Variants in STPG1 observed in about 807,000 individuals in gnomAD.
The protein encoded by STPG1 is O(6)-methylguanine-induced apoptosis 2.
In STPG1, 33 loss-of-function variants were observed where a neutral mutation model predicts 40.1. The ratio of observed to expected loss-of-function variants is 0.82; its 90% confidence interval spans 0.62 to 1.10. The LOEUF is 1.10. Ranked by LOEUF, STPG1 falls within the 50% of genes least tolerant of loss-of-function variation. The probability of loss-of-function intolerance (pLI) is 0.00; values close to 1 mark genes in which losing one functional copy is unlikely to be tolerated. For missense variants in STPG1, 396 were observed against 415.1 expected, an observed-to-expected ratio of 0.95 and a Z score of 0.40; for synonymous variants, 150 against 155.0, an observed-to-expected ratio of 0.97 and a Z score of 0.24.
intron 7 of STPG1, chr1:24,364,289 G>C: frequency 1.3e-6 from 2 of 1,549,730 alleles, no homozygotes; most frequent in African/African-American, 1.4e-5. Context: ...TTTGGAGATG[G>C]ATTTTGGAGG....
chr1:24,394,075 T>C (rs1642893465), intron 2 of STPG1, among the ~76,000 whole-genome samples: 1 of 152,190 alleles, frequency 6.6e-6, no homozygotes, highest in African/African-American at 2.4e-5. Context: ...TTCCTGGGTA[T>C]TGACCAACAC....
intron 1 of STPG1, among the ~76,000 whole-genome samples, chr1:24,409,353 C>T (rs1643526925): frequency 6.6e-6 from 1 of 152,130 alleles, no homozygotes; most frequent in Admixed American, 6.6e-5. Context: ...AAGTGAGACC[C>T]TGTCTCAAAA....
chr1:24,366,318 G>A (rs1362407386), intron 7 of STPG1, among the ~76,000 whole-genome samples: 1 of 152,148 alleles, frequency 6.6e-6, no homozygotes, highest in East Asian at 1.9e-4. Context: ...CATGCAGATG[G>A]GGTCACCTCA....
intron 7 of STPG1, among the ~76,000 whole-genome samples, chr1:24,364,673 G>A (rs934284410): frequency 6.6e-6 from 1 of 152,184 alleles, no homozygotes; most frequent in Admixed American, 6.5e-5. Context: ...ATCCAGGGCT[G>A]GTCCCTCCAT....
rs1040123614 is a variant in STPG1, at chr1:24,357,821, G to C, written c.*722C>G. 3.4e-6 allele frequency: 1 copy of C among 292,052 alleles called. No individual in the cohort carries two copies. Among genetic ancestry groups the C allele is most frequent in the Admixed American group, 4.7e-5 (1 of 21,488 alleles). 18.1% of individuals were successfully genotyped at this position (292,052 alleles called of 1,614,324 possible). A position where few individuals can be genotyped will look rare whatever the true frequency, so the allele number is the denominator to read the frequency against. On this transcript the variant is annotated 3_prime_UTR_variant, in exon 9 of 9. Transcript: ENST00000337248. Reference sequence around the variant, plus strand: ...CAGGCCATGTGGACTCCATGGAAGGGCCTGTAAGCCTTGAGAAAATTCAGT... The same window carrying C: ...CAGGCCATGTGGACTCCATGGAAGGCCCTGTAAGCCTTGAGAAAATTCAGT...
chr1:24,378,673 T>A (rs549117119), intron 5 of STPG1, among the ~76,000 whole-genome samples: 1 of 152,096 alleles, frequency 6.6e-6, no homozygotes, highest in Admixed American at 6.5e-5. Flanking sequence ...ATTTTTGTAG[T>A]CAGAAAAATA....
At chr1:24,408,809 T>A (rs1643506493) in intron 1 of STPG1, among the ~76,000 whole-genome samples, 1 of 152,224 alleles carries the variant, frequency 6.6e-6, no homozygotes, top group African/African-American at 2.4e-5. Flanking sequence ...TTATATATAC[T>A]AATGAGTAAA....
At position 24,372,104 on chromosome 1, in the gene STPG1, G is replaced by T. The variant is rs529513081; in HGVS notation, c.571+1598C>A. Among the ~76,000 whole-genome samples the T allele has an allele frequency of 1.3e-4, 20 of 152,278 alleles. No homozygotes were observed. In the East Asian group the frequency reaches 3.7e-3, roughly 28 times the overall value. The stretch of plus-strand genomic sequence containing the variant: ...GAGGCAGGAGAATCACTTGAACCCG[G>T]GGGGCGGAGGTTGCGGTGAGCCGAG... On this transcript the variant is annotated intron_variant, in intron 6 of 8. Coordinates refer to ENST00000337248, the MANE Select transcript of STPG1 (RefSeq NM_001199013.2).
In STPG1 at chr1:24,359,290, G is replaced by A. The variant is rs577381671; in HGVS notation, c.929-671C>T. 4.7e-4 allele frequency among the ~76,000 whole-genome samples: 71 copies of A among 152,342 alleles called. No individual in the cohort carries two copies. The highest frequency in any genetic ancestry group is 1.7e-3 in the African/African-American group (69 of 41,572). Reference sequence around the variant, plus strand: ...AGCTGCCTGTCTCTGTGTGCCAGGTGCCTAGCACCACATACGGCATGGAAA... The same window carrying A: ...AGCTGCCTGTCTCTGTGTGCCAGGTACCTAGCACCACATACGGCATGGAAA... On this transcript the variant is annotated intron_variant, in intron 8 of 8. Coordinates refer to ENST00000337248, the MANE Select transcript of STPG1 (RefSeq NM_001199013.2). The surrounding 1 kb of genome is among the most constrained non-coding windows in gnomAD (Gnocchi z 5.3).
intron 1 of STPG1, among the ~76,000 whole-genome samples, chr1:24,409,002 A>G (rs998873364): frequency 6.6e-6 from 1 of 152,230 alleles, no homozygotes; most frequent in Non-Finnish European, 1.5e-5. Context: ...ATTCAAAATA[A>G]CAGAAACAAA....
intron 1 of STPG1, chr1:24,411,508 CA>C: frequency 6.6e-6 from 1 of 152,338 alleles, no homozygotes; most frequent in African/African-American, 2.4e-5. Flanking sequence ...GTGGTGCAAT[CA>C]TAGCTTACTG....
chr1:24,377,821 G>A (rs1190678258), intron 5 of STPG1, among the ~76,000 whole-genome samples: 1 of 152,140 alleles, frequency 6.6e-6, no homozygotes, highest in Non-Finnish European at 1.5e-5. Flanking sequence ...CCATCCACTG[G>A]TGCCCACTGA....
chr1:24,382,152 TCTC>T (rs753046149), intron 4 of STPG1, among the ~76,000 whole-genome samples: 27 of 152,288 alleles, frequency 1.8e-4, no homozygotes, highest in Non-Finnish European at 3.1e-4. Context: ...TTGGGCCCCT[TCTC>T]CTCCAGATAG....
intron 3 of STPG1, among the ~76,000 whole-genome samples, chr1:24,390,694 C>A (rs1642729393): frequency 6.6e-6 from 1 of 152,114 alleles, no homozygotes; most frequent in South Asian, 2.1e-4. Flanking sequence ...GCTGGGATTA[C>A]AGGTGTGAGC....
chr1:24,360,949 T>A lies in STPG1; in HGVS notation c.830A>T (p.Tyr277Phe). 1 of 1,614,042 alleles carries A rather than the reference T, an allele frequency of 6.2e-7. No individual in the cohort carries two copies. The highest frequency in any genetic ancestry group is 8.5e-7 in the Non-Finnish European group (1 of 1,179,998). ...GATGAAATGCTTGCGGGGGCCTAAG[T>A]AGTCCACGATCTCATACTGACCAGG... is the stretch of plus-strand genomic sequence containing the variant. ...PGPGQYEIVD[Y>F]LGPRKHFISS... The change falls in exon 8 of 9, where the codon TAC becomes TTC. Residue 277 changes from tyrosine (Y) to phenylalanine (F), a missense_variant. Coordinates refer to ENST00000337248, the MANE Select transcript of STPG1 (RefSeq NM_001199013.2).
chr1:24,397,948 G>A (rs539534032), intron 2 of STPG1, among the ~76,000 whole-genome samples: 4 of 152,150 alleles, frequency 2.6e-5, no homozygotes, highest in East Asian at 3.9e-4. Context: ...TTCATTTTGC[G>A]GGGTAAATGC....
At chr1:24,414,261 G>A (rs1643907932), upstream of STPG1, 1 of 151,786 alleles carries the variant, frequency 6.6e-6, no homozygotes, top group South Asian at 2.1e-4. Flanking sequence ...GGCCAGGCTG[G>A]TCTCGAACTC....
chr1:24,375,665 G>A (rs1193046430), intron 5 of STPG1, among the ~76,000 whole-genome samples: 1 of 152,170 alleles, frequency 6.6e-6, no homozygotes, highest in African/African-American at 2.4e-5. Context: ...AGACCTCAAA[G>A]CACAGTGTGG....
intron 3 of STPG1, among the ~76,000 whole-genome samples, chr1:24,385,560 G>T (rs778171267): frequency 5.9e-5 from 9 of 152,182 alleles, no homozygotes; most frequent in Admixed American, 1.3e-4. Context: ...TTTGTGCCAT[G>T]CACTGTTCTG....
Sources: allele counts gnomAD v4.1 joint callset (sites outside exome capture counted in the v4.1 genomes callset), GRCh38; gene constraint gnomAD v4.1.1; non-coding constraint Gnocchi (gnomAD v3.1); transcripts MANE v1.5; gene names NCBI Gene and HGNC (gene_info 2026-07-23, HGNC 2026-07-21).